RIOK3: variants seen among roughly 807,000 people sequenced by gnomAD.
The protein encoded by RIOK3 is serine/threonine-protein kinase RIO3.
In RIOK3, 40 loss-of-function variants were observed where a neutral mutation model predicts 63.5. The ratio of observed to expected loss-of-function variants is 0.63; its 90% confidence interval spans 0.49 to 0.82. The LOEUF (loss-of-function observed/expected upper bound fraction) is 0.82. RIOK3 is among the 40% of genes least tolerant of loss of function. The probability of loss-of-function intolerance (pLI) is 0.00; values close to 1 mark genes in which losing one functional copy is unlikely to be tolerated. For synonymous variants in RIOK3, 193 were observed against 205.0 expected (o/e 0.94, Z 0.50); for missense variants, 557 against 637.0 (o/e 0.87, Z 1.35).
chr18:23,470,416 T>A (rs907515102), intron 7 of RIOK3, among the ~76,000 whole-genome samples: 2 of 152,072 alleles, frequency 1.3e-5, no homozygotes, highest in African/African-American at 4.8e-5. Flanking sequence ...GCAGAATATA[T>A]ATACAGTATA....
rs2057537986 is a variant in RIOK3 at position 23,481,947 on chromosome 18, G to A, written c.*668G>A. Reference sequence around the variant, plus strand: ...TTCTGAAAGAGATAACTATATAACAGCTTTTTAACTATCCAGTCAACTTTC... The same window carrying A: ...TTCTGAAAGAGATAACTATATAACAACTTTTTAACTATCCAGTCAACTTTC... On this transcript the variant is annotated 3_prime_UTR_variant, in exon 13 of 13. Transcript: ENST00000339486. 2 of 152,202 alleles carry A rather than the reference G, an allele frequency of 1.3e-5. No individual in the cohort carries two copies. The highest frequency in any genetic ancestry group is 4.8e-5 in the African/African-American group (2 of 41,448). 9.4% of individuals were successfully genotyped at this position (152,202 alleles called of 1,614,324 possible).
At chr18:23,463,620 G>C (rs2057386377) in intron 2 of RIOK3, among the ~76,000 whole-genome samples, 1 of 152,042 alleles carries the variant, frequency 6.6e-6, no homozygotes, top group African/African-American at 2.4e-5. Flanking sequence ...TGTTGGTCAG[G>C]TTGGTCTCGA....
intron 1 of RIOK3, among the ~76,000 whole-genome samples, chr18:23,459,995 G>C (rs749614994): frequency 6.6e-6 from 1 of 152,216 alleles, no homozygotes; most frequent in Non-Finnish European, 1.5e-5. Flanking sequence ...CACACGGCCT[G>C]AGTATGCCAT....
At chr18:23,460,272 A>G (rs150440080) in intron 1 of RIOK3, among the ~76,000 whole-genome samples, 226 of 152,252 alleles carry the variant, frequency 1.5e-3, no homozygotes, top group African/African-American at 5.0e-3. Context: ...ATTTTTTTGT[A>G]GAGATGATAT....
chr18:23,469,444 C>T (rs1192060564), intron 7 of RIOK3, among the ~76,000 whole-genome samples: 1 of 136,194 alleles, frequency 7.3e-6, no homozygotes, highest in East Asian at 2.2e-4. Flanking sequence ...CTCCTCTCTC[C>T]TCTCTCTCTC....
chr18:23,475,300 C>T (rs1260408932), intron 9 of RIOK3, among the ~76,000 whole-genome samples, 193 bp downstream of exon 9: 2 of 151,892 alleles, frequency 1.3e-5, no homozygotes, highest in Non-Finnish European at 2.9e-5. Context: ...GAAACCCTGT[C>T]TCTACTAAAA....
intron 8 of RIOK3, 107 bp from the exon 9 acceptor site, chr18:23,474,841 G>A: frequency 1.3e-6 from 1 of 799,776 alleles, no homozygotes; most frequent in Admixed American, 2.5e-5. Context: ...CACCAGGGTA[G>A]AACATAGTGC....
Position 23,481,180 on chromosome 18 carries a change from T to C in RIOK3, c.1461T>C (p.Ala487=), listed in dbSNP as rs143693751. 4.2e-5 allele frequency: 68 copies of C among 1,607,076 alleles called. No individual in the cohort carries two copies. In the African/African-American group the frequency reaches 8.8e-4, roughly 21 times the overall value. ...ATGTATTATTTTTGTAGATAGAAGC[T>C]TTGGAGAAAATGAATGAAGATCACG... is the stretch of plus-strand genomic sequence containing the variant. ...NEADFLAEIE[A]LEKMNEDHVQ... Residue 487 remains alanine, a synonymous_variant, in exon 13 of 13, where the codon GCT becomes GCC. Transcript: ENST00000339486.
chr18:23,453,405 C>G lies in RIOK3; in HGVS notation c.-35C>G. 3 of 1,579,172 alleles carry G rather than the reference C, an allele frequency of 1.9e-6. No homozygotes were observed. ...GAGCCTGCTGCCCGTCCTGCCACCTCTCTGCTCTGTTCTTGTCTCTGCCTT... is the reference window on the plus strand; with the variant it reads ...GAGCCTGCTGCCCGTCCTGCCACCTGTCTGCTCTGTTCTTGTCTCTGCCTT... On this transcript the variant is annotated 5_prime_UTR_variant, in exon 1 of 13. Transcript: ENST00000339486.
intron 2 of RIOK3, chr18:23,463,397 C>A: frequency 3.1e-5 from 5 of 162,110 alleles, no homozygotes; most frequent in Non-Finnish European, 5.0e-5. Context: ...ATGAATGAAA[C>A]ATCCAGACTT....
chr18:23,459,436 C>T (rs2057360480), intron 1 of RIOK3, among the ~76,000 whole-genome samples: 1 of 152,138 alleles, frequency 6.6e-6, no homozygotes, highest in South Asian at 2.1e-4. Flanking sequence ...GAAGTCTCTA[C>T]CCTTCAAGGG....
intron 1 of RIOK3, 52 bp from the exon 2 acceptor site, chr18:23,462,912 G>T: frequency 1.3e-6 from 1 of 771,608 alleles, no homozygotes; most frequent in Non-Finnish European, 2.0e-6. Context: ...AAAATGAGAG[G>T]TACTTTATTT....
intron 1 of RIOK3, among the ~76,000 whole-genome samples, chr18:23,458,258 T>TA (rs924017572): frequency 7.9e-5 from 12 of 151,436 alleles, no homozygotes; most frequent in African/African-American, 1.9e-4. Context: ...AGGAAACCTT[T>TA]AAAAAAAATG....
chr18:23,455,228 C>A (rs550222680), intron 1 of RIOK3, among the ~76,000 whole-genome samples: 1 of 151,816 alleles, frequency 6.6e-6, no homozygotes, highest in African/African-American at 2.4e-5. Flanking sequence ...CCTGCCACCA[C>A]GCCCAGCTGA....
chr18:23,476,536 G>A (rs999750454), intron 9 of RIOK3, among the ~76,000 whole-genome samples: 2 of 152,170 alleles, frequency 1.3e-5, no homozygotes, highest in African/African-American at 4.8e-5. Context: ...CTGGGGAAGA[G>A]ATTAAATAGT....
At chr18:23,466,966 C>T (rs574909124) in intron 6 of RIOK3, among the ~76,000 whole-genome samples, 137 of 151,678 alleles carry the variant, frequency 9.0e-4, no homozygotes, top group Middle Eastern at 3.4e-3. Context: ...CATGTCACTG[C>T]ATTCCATCCT....
rs1363600943 is a variant in RIOK3 at position 23,467,389 on chromosome 18, T to A, written c.688-10T>A. 1.2e-6 allele frequency: 2 copies of A among 1,609,610 alleles called. No homozygotes were observed. Among genetic ancestry groups the A allele is most frequent in the African/African-American group, 2.7e-5 (2 of 74,746 alleles). On this transcript the variant is annotated splice_polypyrimidine_tract_variant and intron_variant, in intron 6 of 12. Transcript: ENST00000339486. ...AGTCATTTTCACTTACAGTGCTTTA[T>A]CTCTTGCAGGAAAAAGCAGTTGATC... is the stretch of plus-strand genomic sequence containing the variant.
chr18:23,463,607 C>G (rs951983076), intron 2 of RIOK3, among the ~76,000 whole-genome samples: 1 of 151,984 alleles, frequency 6.6e-6, no homozygotes, highest in Non-Finnish European at 1.5e-5. Flanking sequence ...TGGGGTTTCT[C>G]CATGTTGGTC....
intron 7 of RIOK3, among the ~76,000 whole-genome samples, chr18:23,473,171 C>T (rs1778108555): frequency 1.3e-5 from 2 of 151,968 alleles, no homozygotes; most frequent in African/African-American, 4.8e-5. Flanking sequence ...AAGCTTGATT[C>T]CGTAGTCATT....
Sources: gnomAD v4.1 joint callset for allele counts (sites outside exome capture counted in the v4.1 genomes callset) on GRCh38, gnomAD v4.1.1 for gene constraint, MANE v1.5 for transcripts, NCBI Gene and HGNC (gene_info 2026-07-23, HGNC 2026-07-21) for gene names.